SLIT3: variants seen among roughly 807,000 people sequenced by gnomAD.
SLIT3 encodes the protein slit guidance ligand 3.
SLIT3 carries 68 observed loss-of-function variants against 184.0 expected under a neutral mutation model. The ratio of observed to expected loss-of-function variants is 0.37; its 90% CI spans 0.30 to 0.45. The LOEUF (loss-of-function observed/expected upper bound fraction) is 0.45. Ranked by LOEUF, SLIT3 falls within the 20% of genes least tolerant of loss-of-function variation. The pLI, the probability that SLIT3 is intolerant of heterozygous loss-of-function variation, is 1.00. For missense variants in SLIT3, 1,707 were observed against 2,026.0 expected (o/e 0.84, Z 3.02); for synonymous variants, 831 against 828.6 (o/e 1.00, Z -0.05).
chr5:168,894,118 G>T (rs1733445956), intron 4 of SLIT3, among the ~76,000 whole-genome samples: 1 of 152,142 alleles, frequency 6.6e-6, no homozygotes, highest in African/African-American at 2.4e-5. Flanking sequence ...TTTTAACTCA[G>T]TAACTTGTCC....
chr5:169,182,545 T>C (rs1442206411), intron 4 of SLIT3, among the ~76,000 whole-genome samples: 2 of 152,206 alleles, frequency 1.3e-5, no homozygotes, highest in Non-Finnish European at 2.9e-5. Flanking sequence ...GGCATCAAAT[T>C]AAAATACTAT....
chr5:168,889,561 T>A (rs1760358323), intron 4 of SLIT3, among the ~76,000 whole-genome samples: 1 of 152,212 alleles, frequency 6.6e-6, no homozygotes, highest in Non-Finnish European at 1.5e-5. Flanking sequence ...ATGAAGGATA[T>A]CAATAAAAGC....
chr5:168,705,695 C>A (rs1250777432), intron 26 of SLIT3, among the ~76,000 whole-genome samples: 1 of 152,316 alleles, frequency 6.6e-6, no homozygotes, highest in South Asian at 2.1e-4. Flanking sequence ...AAACAAGTGG[C>A]CTTATCCTGC....
intron 32 of SLIT3, among the ~76,000 whole-genome samples, chr5:168,674,484 A>C (rs1396609254): frequency 7.2e-6 from 1 of 138,518 alleles, no homozygotes; most frequent in African/African-American, 2.7e-5. Flanking sequence ...GTTATGGGAT[A>C]TTCACTTTTT....
chr5:169,001,118 C>T (rs1380511514), intron 4 of SLIT3, among the ~76,000 whole-genome samples: 1 of 152,234 alleles, frequency 6.6e-6, no homozygotes, highest in Non-Finnish European at 1.5e-5. Flanking sequence ...ACCACTTTCA[C>T]ATTTATCCAA....
chr5:168,844,998 C>T (rs2113715051), intron 5 of SLIT3, among the ~76,000 whole-genome samples: 2 of 145,408 alleles, frequency 1.4e-5, no homozygotes, highest in Middle Eastern at 3.7e-3. Flanking sequence ...GAAACAATTT[C>T]ATTAAGCTAA....
chr5:168,872,903 G>T lies in SLIT3; in HGVS notation c.485+10362C>A, dbSNP rs553268178. On this transcript the variant is annotated intron_variant, in intron 5 of 35. Transcript: ENST00000519560. ...GATCCACCTGCCTTGCACTCCCAAA[G>T]TGCTGGGATTACAGGCATGAGCCAC... Among the ~76,000 whole-genome samples, 10 of 152,162 alleles carry T rather than the reference G, an allele frequency of 6.6e-5. No individual in the cohort carries two copies. The East Asian group carries it at 1.9e-3, about 29-fold the overall frequency.
At chr5:169,114,876 C>T (rs180989372) in intron 4 of SLIT3, among the ~76,000 whole-genome samples, 2 of 152,338 alleles carry the variant, frequency 1.3e-5, no homozygotes, top group African/African-American at 4.8e-5. Flanking sequence ...TTTAAAAGAA[C>T]ACGATGGCAA....
chr5:168,714,440 G>T (rs1258838710), intron 23 of SLIT3, among the ~76,000 whole-genome samples: 1 of 152,110 alleles, frequency 6.6e-6, no homozygotes, highest in Non-Finnish European at 1.5e-5. Context: ...AAAATTAGCC[G>T]AGTGTGGTGG....
intron 4 of SLIT3, among the ~76,000 whole-genome samples, chr5:168,945,163 T>A (rs1373944954): frequency 1.3e-5 from 2 of 151,916 alleles, no homozygotes; most frequent in Non-Finnish European, 2.9e-5. Context: ...TATCAGGGAG[T>A]TGCTTTAATG....
chr5:168,949,550 C>G (rs1429476558), intron 4 of SLIT3, among the ~76,000 whole-genome samples: 1 of 152,170 alleles, frequency 6.6e-6, no homozygotes, highest in African/African-American at 2.4e-5. Context: ...CCCATGTAGA[C>G]AAAAGACCCA....
intron 4 of SLIT3, among the ~76,000 whole-genome samples, chr5:168,981,724 G>A (rs1013311516): frequency 2.6e-5 from 4 of 152,176 alleles, no homozygotes; most frequent in African/African-American, 9.7e-5. Flanking sequence ...CTAAAATACA[G>A]CATCTGCTCT....
At chr5:168,816,943 T>G (rs1374907773) in intron 8 of SLIT3, among the ~76,000 whole-genome samples, 2 of 152,226 alleles carry the variant, frequency 1.3e-5, no homozygotes, top group East Asian at 1.9e-4. Flanking sequence ...CTATGAGCAA[T>G]GGGACGACAG....
chr5:168,978,025 A>T (rs1324536553), intron 4 of SLIT3, among the ~76,000 whole-genome samples: 1 of 151,992 alleles, frequency 6.6e-6, no homozygotes, highest in African/African-American at 2.4e-5. Flanking sequence ...AGCCTGCAGG[A>T]CTCCTGTTGG....
At chr5:169,213,353 G>A (rs969015930) in intron 3 of SLIT3, among the ~76,000 whole-genome samples, 5 of 152,156 alleles carry the variant, frequency 3.3e-5, no homozygotes, top group African/African-American at 1.2e-4. Context: ...TCATGGATAG[G>A]AGAAAGTAAT....
chr5:168,934,557 G>GCA lies in SLIT3; in HGVS notation c.414-51222_414-51221insTG, dbSNP rs1334299076. Among the ~76,000 whole-genome samples the GCA allele has an allele frequency of 2.6e-5, 4 of 152,148 alleles. No homozygotes were observed. The East Asian group carries it at 7.7e-4, about 29-fold the overall frequency. ...AGACAGGCTGATACCACAAGATGAT[G>GCA]GGAAAGGCACGCGGCTGTGGGAGCA... is the stretch of plus-strand genomic sequence containing the variant. On this transcript the variant is annotated intron_variant, in intron 4 of 35. Transcript: ENST00000519560.
At chr5:169,132,499 G>A (rs932346974) in intron 4 of SLIT3, among the ~76,000 whole-genome samples, 28 of 152,150 alleles carry the variant, frequency 1.8e-4, no homozygotes, top group Non-Finnish European at 3.7e-4. Context: ...TGAACCAACA[G>A]AGATTTGCCT....
At chr5:169,071,677 GC>G (rs1466333298) in intron 4 of SLIT3, among the ~76,000 whole-genome samples, 1 of 152,196 alleles carries the variant, frequency 6.6e-6, no homozygotes, top group African/African-American at 2.4e-5. Flanking sequence ...TTTACTGTGT[GC>G]AAGTGTAGAA....
chr5:169,082,654 AAAGATT>A (rs1422592008), intron 4 of SLIT3, among the ~76,000 whole-genome samples: 3 of 152,342 alleles, frequency 2.0e-5, no homozygotes, highest in African/African-American at 7.2e-5. Flanking sequence ...ATCAGAACCA[AAAGATT>A]AAGAGTTATC....
Sources: gnomAD v4.1 joint callset for allele counts (sites outside exome capture counted in the v4.1 genomes callset) on GRCh38, gnomAD v4.1.1 for gene constraint, MANE v1.5 for transcripts, NCBI Gene and HGNC (gene_info 2026-07-23, HGNC 2026-07-21) for gene names.